DRC8: variants seen among roughly 807,000 people sequenced by gnomAD.
The protein encoded by DRC8 is dynein regulatory complex protein 8.
At chr1:245,051,494 A>C in the DRC8 span, among the ~76,000 whole-genome samples, 89,033 of 151,326 alleles carry the variant, frequency 0.59, 27,215 homozygotes, top group East Asian at 0.73. Flanking sequence ...AGGGAAGTGG[A>C]GATGAGGAGG....
the DRC8 span, among the ~76,000 whole-genome samples, chr1:245,003,409 T>G: frequency 6.6e-6 from 1 of 152,118 alleles, no homozygotes; most frequent in East Asian, 1.9e-4. Flanking sequence ...ATGTGGCAAG[T>G]GGGGAGACTT....
chr1:245,067,141 T>G, the DRC8 span, among the ~76,000 whole-genome samples: 1 of 152,148 alleles, frequency 6.6e-6, no homozygotes, highest in Non-Finnish European at 1.5e-5. Context: ...ATTTACTTAT[T>G]TTTCAGACAG....
chr1:244,970,076 T>C, the DRC8 span: 1 of 650,966 alleles, frequency 1.5e-6, no homozygotes, highest in Non-Finnish European at 2.8e-6. Flanking sequence ...CCCAAATGGA[T>C]GAGAAATAAG....
the DRC8 span, among the ~76,000 whole-genome samples, chr1:245,047,021 A>G: frequency 6.6e-6 from 1 of 152,202 alleles, no homozygotes; most frequent in Non-Finnish European, 1.5e-5. Flanking sequence ...GGGCTCAACG[A>G]GTCCATCTGA....
the DRC8 span, among the ~76,000 whole-genome samples, chr1:245,077,125 C>T: frequency 6.6e-6 from 1 of 152,016 alleles, no homozygotes; most frequent in African/African-American, 2.4e-5. Context: ...GTCATATACA[C>T]TTAGAATATA....
chr1:245,011,915 C>A, the DRC8 span, among the ~76,000 whole-genome samples: 1 of 152,054 alleles, frequency 6.6e-6, no homozygotes, highest in East Asian at 1.9e-4. Context: ...ATCACTGAAG[C>A]CTTTTATTGA....
At chr1:245,057,667 C>T in the DRC8 span, among the ~76,000 whole-genome samples, 8 of 148,380 alleles carry the variant, frequency 5.4e-5, no homozygotes, top group South Asian at 2.1e-4. Flanking sequence ...ATTAAAAAGT[C>T]GATATATCAT....
chr1:245,046,797 C>T, the DRC8 span, among the ~76,000 whole-genome samples: 1 of 152,032 alleles, frequency 6.6e-6, no homozygotes, highest in Non-Finnish European at 1.5e-5. Flanking sequence ...ATTTAAACAC[C>T]ACCTCCCTTC....
the DRC8 span, among the ~76,000 whole-genome samples, chr1:245,044,537 G>A: frequency 4.3e-4 from 65 of 151,188 alleles, no homozygotes; most frequent in Admixed American, 3.3e-4. Flanking sequence ...GTCTCACTCT[G>A]TCGCCCAGGC....
the DRC8 span, among the ~76,000 whole-genome samples, chr1:244,980,218 C>CA: frequency 0.15 from 9,988 of 64,602 alleles, 651 homozygotes; most frequent in East Asian, 0.38. Flanking sequence ...GACTCCGTCT[C>CA]AAAAAAAAAA....
the DRC8 span, chr1:244,970,609 C>G: frequency 2.5e-6 from 2 of 801,712 alleles, no homozygotes; most frequent in Non-Finnish European, 3.6e-6. Context: ...CGCCCTGCCC[C>G]CGTCCCCGTA....
chr1:245,067,575 G>T, the DRC8 span, among the ~76,000 whole-genome samples: 2 of 152,148 alleles, frequency 1.3e-5, no homozygotes, highest in African/African-American at 4.8e-5. Context: ...AGCCCCGGAG[G>T]TCCCAAATCT....
At chr1:244,992,010 G>A in the DRC8 span, among the ~76,000 whole-genome samples, 3 of 152,304 alleles carry the variant, frequency 2.0e-5, no homozygotes, top group East Asian at 1.9e-4. Context: ...AGGAAGAGCC[G>A]ACAGGGAGCT....
chr1:245,033,615 T>C, the DRC8 span, among the ~76,000 whole-genome samples: 1 of 152,220 alleles, frequency 6.6e-6, no homozygotes, highest in Admixed American at 6.5e-5. Flanking sequence ...TATCTCTCCG[T>C]CCCATCCTGT....
the DRC8 span, among the ~76,000 whole-genome samples, chr1:244,996,372 G>A: frequency 6.6e-6 from 1 of 152,118 alleles, no homozygotes; most frequent in Non-Finnish European, 1.5e-5. Context: ...GTCAGCCCTG[G>A]TGTATTGTGA....
the DRC8 span, among the ~76,000 whole-genome samples, chr1:245,009,877 T>C: frequency 6.6e-6 from 1 of 152,080 alleles, no homozygotes; most frequent in Non-Finnish European, 1.5e-5. Context: ...GTTTTTGAGA[T>C]GGAGTCTCTC....
chr1:245,072,461 C>G, the DRC8 span, among the ~76,000 whole-genome samples: 2 of 152,072 alleles, frequency 1.3e-5, no homozygotes, highest in Admixed American at 1.3e-4. Flanking sequence ...TGAGCTCAAA[C>G]TCCTGGCCTC....
the DRC8 span, among the ~76,000 whole-genome samples, chr1:245,075,958 C>T: frequency 1.6e-4 from 25 of 152,272 alleles, no homozygotes; most frequent in African/African-American, 4.8e-4. Context: ...GAGGCATCAC[C>T]GCTAACCCAC....
At chr1:245,006,788 G>A in the DRC8 span, among the ~76,000 whole-genome samples, 1 of 152,076 alleles carries the variant, frequency 6.6e-6, no homozygotes, top group Non-Finnish European at 1.5e-5. Flanking sequence ...ACAAAAATTA[G>A]CTGGGCATGG....
Sources: allele counts gnomAD v4.1 joint callset (sites outside exome capture counted in the v4.1 genomes callset), GRCh38; gene constraint gnomAD v4.1.1; transcripts MANE v1.5; gene names NCBI Gene and HGNC (gene_info 2026-07-23, HGNC 2026-07-21).